The following ERBB4 variants were observed in gnomAD, a reference collection of about 807,000 sequenced individuals.
The protein encoded by ERBB4 is receptor tyrosine-protein kinase erbB-4.
In ERBB4, 42 loss-of-function variants were observed where a neutral mutation model predicts 158.0. That is an observed-to-expected ratio of 0.27 (90% CI 0.21 to 0.34). ERBB4 has a LOEUF of 0.34. Ranked by LOEUF, ERBB4 falls within the 10% of genes least tolerant of loss-of-function variation. The pLI is 1.00. For missense variants in ERBB4, 1,333 were observed against 1,624.1 expected, an observed-to-expected ratio of 0.82 and a Z score of 3.08; for synonymous variants, 583 against 558.7, an observed-to-expected ratio of 1.04 and a Z score of -0.61.
intron 20 of ERBB4, among the ~76,000 whole-genome samples, chr2:211,516,390 G>C (rs62178837): frequency 0.15 from 23,267 of 150,720 alleles, 1,956 homozygotes; most frequent in South Asian, 0.23. Context: ...CTGGAGTGCA[G>C]TGGTACAATC....
At chr2:211,399,293 A>G (rs2062985028) in intron 25 of ERBB4, among the ~76,000 whole-genome samples, 1 of 152,228 alleles carries the variant, frequency 6.6e-6, no homozygotes, top group Admixed American at 6.5e-5. Flanking sequence ...TAAATTTTTC[A>G]TATCTAGCAC....
At chr2:211,571,154 T>C (rs925719938) in intron 19 of ERBB4, among the ~76,000 whole-genome samples, 2 of 149,214 alleles carry the variant, frequency 1.3e-5, no homozygotes, top group Non-Finnish European at 3.0e-5. Flanking sequence ...GCAATTCTCC[T>C]GCCTCAGCCT....
At chr2:212,304,102 G>A (rs2106216332) in intron 1 of ERBB4, among the ~76,000 whole-genome samples, 1 of 151,612 alleles carries the variant, frequency 6.6e-6, no homozygotes, top group East Asian at 2.0e-4. Context: ...CAATTTTGTT[G>A]TGGAGAATGT....
chr2:211,493,628 A>G (rs965506982), intron 20 of ERBB4, among the ~76,000 whole-genome samples: 13 of 152,052 alleles, frequency 8.5e-5, no homozygotes, highest in South Asian at 2.1e-4. Flanking sequence ...ATCTCATTCA[A>G]TTTAAGCCAC....
chr2:211,753,127 T>TA (rs2075182873), intron 4 of ERBB4, among the ~76,000 whole-genome samples: 1 of 150,114 alleles, frequency 6.7e-6, no homozygotes, highest in Non-Finnish European at 1.5e-5. Context: ...AGCAATTAAG[T>TA]AAATGCTACA....
intron 1 of ERBB4, among the ~76,000 whole-genome samples, chr2:212,516,151 CAT>C (rs969326849): frequency 2.0e-5 from 3 of 152,024 alleles, no homozygotes; most frequent in South Asian, 4.1e-4. Context: ...CACATACACT[CAT>C]GTGCACATCA....
At chr2:211,837,195 C>T (rs1332095479) in intron 3 of ERBB4, among the ~76,000 whole-genome samples, 1 of 151,918 alleles carries the variant, frequency 6.6e-6, no homozygotes, top group Non-Finnish European at 1.5e-5. Context: ...CAGGTTAATC[C>T]TAATCCAAAT....
intron 1 of ERBB4, among the ~76,000 whole-genome samples, chr2:212,353,872 G>A (rs1254331047): frequency 2.0e-5 from 3 of 152,080 alleles, no homozygotes; most frequent in African/African-American, 4.8e-5. Context: ...GTAACTTCTG[G>A]ACCAGTGCAG....
intron 4 of ERBB4, among the ~76,000 whole-genome samples, chr2:211,773,622 A>AT (rs2075780519): frequency 4.6e-5 from 3 of 65,306 alleles, no homozygotes; most frequent in African/African-American, 1.4e-4. Flanking sequence ...ATATATATAT[A>AT]TATATATATA....
At chr2:211,928,723 A>G (rs2080087396) in intron 3 of ERBB4, among the ~76,000 whole-genome samples, 2 of 152,208 alleles carry the variant, frequency 1.3e-5, no homozygotes, top group South Asian at 4.1e-4. Context: ...TATAGCATCA[A>G]AACTATGTCT....
intron 16 of ERBB4, among the ~76,000 whole-genome samples, chr2:211,644,522 C>T (rs1317960517): frequency 6.6e-6 from 1 of 151,944 alleles, no homozygotes; most frequent in Admixed American, 6.6e-5. Context: ...CAACTTTATA[C>T]TTTGCCTGAA....
At chr2:211,896,894 G>T (rs1176504985) in intron 3 of ERBB4, among the ~76,000 whole-genome samples, 1 of 151,766 alleles carries the variant, frequency 6.6e-6, no homozygotes, top group East Asian at 1.9e-4. Context: ...CTATTTATTT[G>T]GTCTTGTTAA....
intron 4 of ERBB4, among the ~76,000 whole-genome samples, chr2:211,757,617 A>AC (rs1388468516): frequency 5.9e-5 from 9 of 152,002 alleles, no homozygotes; most frequent in Non-Finnish European, 1.3e-4. Context: ...GCTTCCATCT[A>AC]CCCCTCCCTC....
chr2:212,531,625 C>T (rs1692762704), intron 1 of ERBB4, among the ~76,000 whole-genome samples: 1 of 152,096 alleles, frequency 6.6e-6, no homozygotes, highest in Non-Finnish European at 1.5e-5. Context: ...CACTGTTTAT[C>T]CTTTACAATC....
chr2:211,951,684 T>C (rs979875898), intron 2 of ERBB4, among the ~76,000 whole-genome samples: 1 of 152,128 alleles, frequency 6.6e-6, no homozygotes, highest in Non-Finnish European at 1.5e-5. Context: ...CTTGTAAAGA[T>C]TCTAGAACTG....
intron 2 of ERBB4, among the ~76,000 whole-genome samples, chr2:212,055,343 C>A (rs531687368): frequency 7.2e-5 from 11 of 152,184 alleles, no homozygotes; most frequent in Non-Finnish European, 1.5e-4. Context: ...ATGAGGCCTC[C>A]GTGCTTCTGT....
At chr2:211,434,888 C>T (rs2063817491) in intron 20 of ERBB4, among the ~76,000 whole-genome samples, 1 of 152,200 alleles carries the variant, frequency 6.6e-6, no homozygotes, top group African/African-American at 2.4e-5. Flanking sequence ...CATCATTATA[C>T]AGATGCACGC....
intron 1 of ERBB4, among the ~76,000 whole-genome samples, chr2:212,320,348 A>G (rs1390473947): frequency 6.7e-6 from 1 of 148,322 alleles, no homozygotes; most frequent in Admixed American, 6.7e-5. Flanking sequence ...TCTTCTTGGT[A>G]ATAGTGAACA....
At chr2:211,491,975 A>G (rs2065353709) in intron 20 of ERBB4, among the ~76,000 whole-genome samples, 1 of 151,950 alleles carries the variant, frequency 6.6e-6, no homozygotes, top group Admixed American at 6.6e-5. Context: ...AGGATCCTCC[A>G]TTATGTATTC....
Sources: gnomAD v4.1 joint callset for allele counts (sites outside exome capture counted in the v4.1 genomes callset) on GRCh38, gnomAD v4.1.1 for gene constraint, MANE v1.5 for transcripts, NCBI Gene and HGNC (gene_info 2026-07-23, HGNC 2026-07-21) for gene names.